The following CERKL variants were observed in gnomAD, a reference collection of about 807,000 sequenced individuals.
CERKL encodes CERK like autophagy regulator, also known as ceramide kinase-like protein.
In CERKL, 61 loss-of-function variants were observed where a neutral mutation model predicts 63.4. The ratio of observed to expected loss-of-function variants is 0.96; its 90% CI spans 0.78 to 1.19. CERKL has a LOEUF of 1.19. CERKL is among the 50% of genes most tolerant of loss of function. The pLI, the probability that CERKL is intolerant of heterozygous loss-of-function variation, is 0.00. For synonymous variants in CERKL, 250 were observed against 230.5 expected (o/e 1.08, Z -0.77); for missense variants, 675 against 655.5 (o/e 1.03, Z -0.33).
At chr2:181,641,943 C>T (rs1380717606) in intron 1 of CERKL, among the ~76,000 whole-genome samples, 1 of 152,058 alleles carries the variant, frequency 6.6e-6, no homozygotes, top group Non-Finnish European at 1.5e-5. Flanking sequence ...TTCTGTGAGA[C>T]CCAACCTACC....
intron 1 of CERKL, among the ~76,000 whole-genome samples, chr2:181,621,605 TTCA>T (rs113829644): frequency 2.2e-3 from 340 of 152,334 alleles, no homozygotes; most frequent in African/African-American, 7.6e-3. Flanking sequence ...CTCCATGCCT[TTCA>T]TCATAACACA....
intron 2 of CERKL, among the ~76,000 whole-genome samples, chr2:181,586,970 A>T (rs1238052490): frequency 6.6e-6 from 1 of 152,190 alleles, no homozygotes; most frequent in Non-Finnish European, 1.5e-5. Context: ...GATAAAACCC[A>T]AACACAGGAA....
intron 5 of CERKL, among the ~76,000 whole-genome samples, chr2:181,556,485 C>T (rs1224123360): frequency 1.3e-5 from 2 of 151,742 alleles, no homozygotes; most frequent in East Asian, 3.9e-4. Context: ...TGAGTGAGAA[C>T]ATGCGGTGTT....
chr2:181,625,916 T>C (rs913284168), intron 1 of CERKL, among the ~76,000 whole-genome samples: 7 of 152,232 alleles, frequency 4.6e-5, no homozygotes, highest in Non-Finnish European at 1.0e-4. Context: ...AAACGCTATA[T>C]TGTTTAATAG....
At chr2:181,607,343 A>G (rs1160644188) in intron 1 of CERKL, among the ~76,000 whole-genome samples, 2 of 152,196 alleles carry the variant, frequency 1.3e-5, no homozygotes, top group African/African-American at 4.8e-5. Flanking sequence ...TACAAATTCA[A>G]CATTACAATT....
At chr2:181,540,683 C>T (rs1048338985) in intron 11 of CERKL, among the ~76,000 whole-genome samples, 10 of 152,168 alleles carry the variant, frequency 6.6e-5, no homozygotes, top group African/African-American at 2.2e-4. Flanking sequence ...AAGATCTAGC[C>T]ATCCTTCAAA....
At position 181,656,909 on chromosome 2, in the gene CERKL, A is replaced by C. The variant is rs769632183; in HGVS notation, c.98T>G (p.Leu33Ter). 21 of 1,603,244 alleles carry C rather than the reference A, an allele frequency of 1.3e-5. No homozygotes were observed. The highest frequency in any genetic ancestry group is 1.8e-5 in the Non-Finnish European group (21 of 1,174,506). ...CGCCTCCGTCTGCTGCGGGGACGTT[A>C]ACAGCGCCGGAGGCACAGCGGCAGC... ...PEAAAVPPAL[L>*]TSPQQTEAAA... The change falls in exon 1 of 13, where the codon TTA becomes TGA. Residue 33 changes from leucine (L) to a stop codon, truncating the protein, a stop_gained. Coordinates refer to ENST00000410087, the MANE Select transcript of CERKL (RefSeq NM_201548.5). LOFTEE classifies it high-confidence loss of function.
intron 1 of CERKL, among the ~76,000 whole-genome samples, chr2:181,615,443 A>G (rs1686150578): frequency 6.6e-6 from 1 of 152,246 alleles, no homozygotes; most frequent in Non-Finnish European, 1.5e-5. Context: ...TGTAGACCGT[A>G]AACAGGATTA....
At position 181,538,126 on chromosome 2, in the gene CERKL, C is replaced by A. The variant is rs747421880; in HGVS notation, c.*58G>T. 10 of 1,204,488 alleles carry A rather than the reference C, an allele frequency of 8.3e-6. No homozygotes were observed. The African/African-American group carries it at 1.0e-4, about 13-fold the overall frequency. The allele number at this position is 1,204,488 out of a possible 1,614,324, so 74.6% of individuals were successfully genotyped here. A position where few individuals can be genotyped will look rare whatever the true frequency, so the allele number is the denominator to read the frequency against. Reference sequence around the variant, plus strand: ...TGGGGACCACAGGTTTAAAGCATGGCCACATTTCTTTATATTAAAATTCTA... The same window carrying A: ...TGGGGACCACAGGTTTAAAGCATGGACACATTTCTTTATATTAAAATTCTA... On this transcript the variant is annotated 3_prime_UTR_variant, in exon 13 of 13. Coordinates refer to ENST00000410087, the MANE Select transcript of CERKL (RefSeq NM_201548.5).
At chr2:181,577,230 G>T (rs1684276686) in intron 2 of CERKL, among the ~76,000 whole-genome samples, 1 of 152,196 alleles carries the variant, frequency 6.6e-6, no homozygotes, top group Non-Finnish European at 1.5e-5. Context: ...TAGGAGTAAT[G>T]TCAGAGAGAG....
chr2:181,604,364 T>C (rs879489710), intron 1 of CERKL, among the ~76,000 whole-genome samples: 1 of 152,194 alleles, frequency 6.6e-6, no homozygotes, highest in Non-Finnish European at 1.5e-5. Flanking sequence ...ATATCTTAAA[T>C]GTATGAATAA....
rs55645686 is a variant in CERKL at position 181,568,670 on chromosome 2, CTTTT to C, written c.614-2553_614-2550del. On this transcript the variant is annotated intron_variant, in intron 3 of 12. Coordinates refer to ENST00000410087, the MANE Select transcript of CERKL (RefSeq NM_201548.5). Reference sequence around the variant, plus strand: ...AAGTAAATGCTCATTGGAGTATTTTCTTTTTTTTTTTTTTTAATTTTTTTTTATT... The same window carrying C: ...AAGTAAATGCTCATTGGAGTATTTTCTTTTTTTTTTTAATTTTTTTTTATT... 3.8e-3 allele frequency among the ~76,000 whole-genome samples: 554 copies of C among 144,072 alleles called. 3 individuals carry two copies. The highest frequency in any genetic ancestry group is 0.013 in the South Asian group (57 of 4,544). 94.5% of individuals were successfully genotyped at this position (144,072 alleles called of 152,430 possible).
chr2:181,537,486 A>T lies in CERKL; in HGVS notation c.*698T>A, dbSNP rs757221301. The T allele has an allele frequency of 2.6e-5, 12 of 452,986 alleles. No individual in the cohort carries two copies. Among genetic ancestry groups the T allele is most frequent in the South Asian group, 1.9e-4 (12 of 64,440 alleles). The allele number at this position is 452,986 out of a possible 1,614,324, so 28.1% of individuals were successfully genotyped here. A position where few individuals can be genotyped will look rare whatever the true frequency, so the allele number is the denominator to read the frequency against. On this transcript the variant is annotated 3_prime_UTR_variant, in exon 13 of 13. Transcript: ENST00000410087. ...CACTTTAAGAAGACAGGGATGGGTT[A>T]TTCTTTTTTGGCAGGTAGGCTATAT...
chr2:181,565,642 G>A (rs2105832541), intron 4 of CERKL: 2 of 760,900 alleles, frequency 2.6e-6, no homozygotes, highest in Non-Finnish European at 4.4e-6. Flanking sequence ...TCACAGACAA[G>A]TTAACCAATG....
chr2:181,652,717 C>T (rs563328726), intron 1 of CERKL, among the ~76,000 whole-genome samples: 87 of 150,974 alleles, frequency 5.8e-4, no homozygotes, highest in African/African-American at 1.7e-3. Flanking sequence ...TCTATACATG[C>T]GACAAAGGGA....
chr2:181,598,990 C>A (rs540109633), intron 2 of CERKL, among the ~76,000 whole-genome samples: 1 of 152,274 alleles, frequency 6.6e-6, no homozygotes, highest in East Asian at 1.9e-4. Context: ...AAAAGAGTGT[C>A]TTCATACCTC....
intron 1 of CERKL, among the ~76,000 whole-genome samples, chr2:181,649,194 A>G (rs1014038081): frequency 6.6e-6 from 1 of 152,250 alleles, no homozygotes; most frequent in Admixed American, 6.5e-5. Context: ...ACAGACTGAA[A>G]GTGAAGAAAT....
intron 4 of CERKL, among the ~76,000 whole-genome samples, 164 bp downstream of exon 4, chr2:181,565,889 CCATGT>C (rs1316957997): frequency 6.6e-6 from 1 of 152,002 alleles, no homozygotes; most frequent in African/African-American, 2.4e-5. Flanking sequence ...AGATAGATGA[CCATGT>C]CATATTATCA....
chr2:181,656,403 G>A (rs1440059555), intron 1 of CERKL, among the ~76,000 whole-genome samples: 2 of 152,162 alleles, frequency 1.3e-5, no homozygotes, highest in Non-Finnish European at 2.9e-5. Context: ...AACTTGGAGG[G>A]GAGGAGTAGT....
Sources: allele counts gnomAD v4.1 joint callset (sites outside exome capture counted in the v4.1 genomes callset), GRCh38; gene constraint gnomAD v4.1.1; transcripts MANE v1.5; gene names NCBI Gene and HGNC (gene_info 2026-07-23, HGNC 2026-07-21).